The following RBM6 variants were observed in gnomAD, a reference collection of about 807,000 sequenced individuals.
The protein encoded by RBM6 is RNA binding motif protein 6, also known as RNA-binding protein 6.
In RBM6, 23 loss-of-function variants were observed where a neutral mutation model predicts 140.4. The ratio of observed to expected loss-of-function variants is 0.16; its 90% confidence interval spans 0.12 to 0.23. The LOEUF is 0.23. RBM6 is among the 10% of genes least tolerant of loss of function. RBM6 has a pLI of 1.00. For missense variants in RBM6, 1,139 were observed against 1,386.7 expected, an observed-to-expected ratio of 0.82 and a Z score of 2.84; for synonymous variants, 439 against 475.6, an observed-to-expected ratio of 0.92 and a Z score of 1.00.
At chr3:49,947,132 G>T (rs1404320497) in intron 1 of RBM6, among the ~76,000 whole-genome samples, 1 of 148,834 alleles carries the variant, frequency 6.7e-6, no homozygotes, top group African/African-American at 2.5e-5. Context: ...GGCGCCTGTA[G>T]TCCCAGCTAC....
chr3:50,039,237 A>AT (rs923467277), intron 6 of RBM6, among the ~76,000 whole-genome samples: 2 of 151,928 alleles, frequency 1.3e-5, no homozygotes, highest in African/African-American at 4.8e-5. Flanking sequence ...ATAAATTATT[A>AT]TTATTTATTT....
intron 10 of RBM6, chr3:50,058,808 C>T (rs994857419): frequency 2.3e-5 from 6 of 260,052 alleles, no homozygotes; most frequent in South Asian, 1.2e-4. Flanking sequence ...CGCAGCTACT[C>T]GGGAGGCTGA....
At position 49,968,358 on chromosome 3, in the gene RBM6, C is replaced by T. The variant is rs2084606709; in HGVS notation, c.933C>T (p.Asn311=). ...GAGAACATTCTGGTATGAATGTGAA[C>T]AGGAGAGAAGAATCCACACATGACC... is the stretch of plus-strand genomic sequence containing the variant. ...QDREHSGMNV[N]RREESTHDHT... Residue 311 remains asparagine (N), a synonymous_variant, in exon 3 of 21, where the codon AAC becomes AAT. Transcript: ENST00000266022. The T allele has an allele frequency of 6.2e-7, 1 of 1,614,102 alleles. No individual in the cohort carries two copies. The highest frequency in any genetic ancestry group is 8.5e-7 in the Non-Finnish European group (1 of 1,180,028).
At chr3:49,968,970 C>CTTT (rs34699382) in intron 3 of RBM6, among the ~76,000 whole-genome samples, 5 of 141,888 alleles carry the variant, frequency 3.5e-5, no homozygotes, top group Non-Finnish European at 7.6e-5. Flanking sequence ...GCCCGGCCTG[C>CTTT]TTTTTTTTTT....
intron 6 of RBM6, among the ~76,000 whole-genome samples, chr3:50,042,045 A>G (rs1182255591): frequency 1.3e-5 from 2 of 152,186 alleles, no homozygotes; most frequent in Non-Finnish European, 2.9e-5. Context: ...CATATGCCCT[A>G]TTTGTAAGGA....
intron 15 of RBM6, among the ~76,000 whole-genome samples, chr3:50,064,542 C>G (rs1047427215): frequency 1.5e-4 from 23 of 152,184 alleles, no homozygotes; most frequent in African/African-American, 5.5e-4. Context: ...GACAGAGTCT[C>G]TCTCTGTCAC....
chr3:50,045,874 A>G (rs1182792740), intron 6 of RBM6, among the ~76,000 whole-genome samples: 1 of 152,208 alleles, frequency 6.6e-6, no homozygotes, highest in Non-Finnish European at 1.5e-5. Context: ...TGGAAGCACA[A>G]AGAAGTTAAG....
chr3:50,043,647 G>A lies in RBM6; in HGVS notation c.1558-4598G>A, dbSNP rs185288069. ...TTGCCAGGCTAGAGTGCAGTGGCAT[G>A]ATCTTGGCTCACTGCAACCTCTGAC... On this transcript the variant is annotated intron_variant, in intron 6 of 20. Coordinates refer to ENST00000266022, the MANE Select transcript of RBM6 (RefSeq NM_005777.3). Among the ~76,000 whole-genome samples the A allele has an allele frequency of 1.8e-3, 276 of 151,730 alleles. 2 individuals carry two copies. The highest frequency in any genetic ancestry group is 6.4e-3 in the African/African-American group (264 of 41,408).
intron 6 of RBM6, among the ~76,000 whole-genome samples, chr3:50,008,910 A>G (rs1301181861): frequency 6.6e-6 from 1 of 152,180 alleles, no homozygotes. Context: ...GATGATCATA[A>G]TACCACCCAT....
At chr3:49,953,222 ATT>A (rs111757077) in intron 1 of RBM6, among the ~76,000 whole-genome samples, 4 of 141,958 alleles carry the variant, frequency 2.8e-5, no homozygotes, top group Admixed American at 7.1e-5. Flanking sequence ...CACCTTGCTA[ATT>A]TTTTTTTTTT....
chr3:50,053,474 T>A (rs2089562537), intron 7 of RBM6, among the ~76,000 whole-genome samples: 1 of 151,634 alleles, frequency 6.6e-6, no homozygotes, highest in South Asian at 2.1e-4. Context: ...GAGGTTGTGG[T>A]AAGCCGAGAT....
intron 6 of RBM6, among the ~76,000 whole-genome samples, chr3:50,036,737 AC>A (rs1299777700): frequency 6.6e-6 from 1 of 152,098 alleles, no homozygotes; most frequent in Non-Finnish European, 1.5e-5. Flanking sequence ...TAGGGACCTA[AC>A]CTTGTATCCC....
intron 6 of RBM6, among the ~76,000 whole-genome samples, chr3:50,022,808 G>A (rs1024597959): frequency 2.6e-5 from 4 of 152,012 alleles, no homozygotes; most frequent in African/African-American, 7.2e-5. Flanking sequence ...GGATATAAGG[G>A]AGTTTGGGGG....
At chr3:50,062,919 AG>A (rs1414987639) in intron 15 of RBM6, among the ~76,000 whole-genome samples, 23 of 141,502 alleles carry the variant, frequency 1.6e-4, no homozygotes, top group African/African-American at 5.7e-4. Context: ...TCTGAGACAA[AG>A]TCTTCCTCTG....
rs556205363 is a variant in RBM6 at position 50,008,314 on chromosome 3, A to G, written c.1557+8801A>G. 3.5e-4 allele frequency among the ~76,000 whole-genome samples: 54 copies of G among 152,346 alleles called. 1 individual carries two copies. The South Asian group carries it at 0.011, about 30-fold the overall frequency. On this transcript the variant is annotated intron_variant, in intron 6 of 20. Transcript: ENST00000266022. Reference sequence around the variant, plus strand: ...AAATCATGGTTTATTTCTATGGATTAAAGTAGTTTAGTTCTTAATTTGTTC... The same window carrying G: ...AAATCATGGTTTATTTCTATGGATTGAAGTAGTTTAGTTCTTAATTTGTTC...
chr3:50,061,416 T>A (rs2089937911), intron 13 of RBM6, 46 bp from the exon 14 acceptor site: 1 of 1,585,404 alleles, frequency 6.3e-7, no homozygotes, highest in East Asian at 2.2e-5. Context: ...CAGTAAGGGC[T>A]TCATTGGACA....
chr3:50,016,868 C>T (rs2087190229), intron 6 of RBM6, among the ~76,000 whole-genome samples: 1 of 150,372 alleles, frequency 6.7e-6, no homozygotes, highest in South Asian at 2.1e-4. Flanking sequence ...CTGTGTTGCC[C>T]AGGCTGGAGT....
chr3:50,012,672 C>A (rs1229035622), intron 6 of RBM6, among the ~76,000 whole-genome samples: 1 of 143,034 alleles, frequency 7.0e-6, no homozygotes, highest in Non-Finnish European at 1.5e-5. Context: ...CAATTTTTTA[C>A]AAAAGTGATT....
Position 49,968,282 on chromosome 3 carries a change from C to T in RBM6, c.857C>T (p.Pro286Leu). ...SCMEFKDREM[P>L]PVDPNILDYI... ...ATGGAATTTAAAGATAGGGAGATGC[C>T]CCCTGTGGATCCAAATATTTTGGAT... The change falls in exon 3 of 21, where the codon CCC becomes CTC. Residue 286 changes from proline (P) to leucine (L), a missense_variant. Pro to Leu is a moderately conservative substitution (Grantham distance 98). This residue lies in a region of RBM6 where 566 missense variants were observed against 612.7 expected (regional missense o/e 0.92). Transcript: ENST00000266022. 6.2e-7 allele frequency: 1 copy of T among 1,613,966 alleles called. No individual in the cohort carries two copies.
Sources: allele counts gnomAD v4.1 joint callset (sites outside exome capture counted in the v4.1 genomes callset), GRCh38; gene constraint gnomAD v4.1.1; regional missense constraint gnomAD v4.1.1; transcripts MANE v1.5; gene names NCBI Gene and HGNC (gene_info 2026-07-23, HGNC 2026-07-21).